WDR86: variants seen among roughly 807,000 people sequenced by gnomAD.
WDR86 encodes WD repeat domain 86, also known as WD repeat-containing protein 86.
Under a neutral mutation model 36.5 loss-of-function variants are expected in WDR86, and 30 were observed. The ratio of observed to expected loss-of-function variants is 0.82; its 90% CI spans 0.61 to 1.11. The LOEUF is 1.11. Among genes scored for constraint, WDR86 ranks in the 50% most tolerant of loss-of-function variants. The pLI, the probability that WDR86 is intolerant of heterozygous loss-of-function variation, is 0.00. For synonymous variants in WDR86, 255 were observed against 252.9 expected, an observed-to-expected ratio of 1.01 and a Z score of -0.08; for missense variants, 545 against 561.2, an observed-to-expected ratio of 0.97 and a Z score of 0.29.
rs1563041641 is a variant in WDR86 at position 151,381,837 on chromosome 7, C to T, written c.966+41G>A. ...GATGGATCGGGGCGGGGCACCTTCC[C>T]TCCCACGGGCGGCGGCCCCGAGAAG... is the stretch of plus-strand genomic sequence containing the variant. On this transcript the variant is annotated intron_variant, in intron 5 of 5. Coordinates refer to ENST00000334493, the MANE Select transcript of WDR86 (RefSeq NM_198285.3). The surrounding 1 kb of genome is among the most constrained non-coding windows in gnomAD (Gnocchi z 4.8). 1 of 1,568,494 alleles carries T rather than the reference C, an allele frequency of 6.4e-7. No individual in the cohort carries two copies. The highest frequency in any genetic ancestry group is 8.6e-7 in the Non-Finnish European group (1 of 1,157,362).
At position 151,381,394 on chromosome 7, in the gene WDR86, A is replaced by G; in HGVS notation, c.*188T>C. 1.4e-6 allele frequency: 2 copies of G among 1,467,092 alleles called. No homozygotes were observed. 90.9% of individuals were successfully genotyped at this position (1,467,092 alleles called of 1,614,324 possible). A position where few individuals can be genotyped will look rare whatever the true frequency, so the allele number is the denominator to read the frequency against. ...AAAGGGGGCGGTCCCCAGGGCGAGC[A>G]CTCCCGCTCCCAGCGCCTCCTGGCC... On this transcript the variant is annotated 3_prime_UTR_variant, in exon 6 of 6. Transcript: ENST00000334493. The surrounding 1 kb of genome is among the most constrained non-coding windows in gnomAD (Gnocchi z 4.8).
rs1303423451 is a variant in WDR86, at chr7:151,401,554, G to A, written c.164-1313C>T. On this transcript the variant is annotated intron_variant, in intron 1 of 5. Coordinates refer to ENST00000334493, the MANE Select transcript of WDR86 (RefSeq NM_198285.3). The surrounding 1 kb of genome is among the most constrained non-coding windows in gnomAD (Gnocchi z 4.3). ...GCGCAGACTGAGGACAGAGGCAGCC[G>A]CAGAGGGAATGGCACATGTTCGCTA... Among the ~76,000 whole-genome samples the A allele has an allele frequency of 7.2e-5, 11 of 152,184 alleles. No individual in the cohort carries two copies. Among genetic ancestry groups the A allele is most frequent in the Non-Finnish European group, 1.5e-4 (10 of 68,042 alleles).
chr7:151,409,434 G>C lies in WDR86; in HGVS notation c.156C>G (p.Leu52=). 1 of 1,552,302 alleles carries C rather than the reference G, an allele frequency of 6.4e-7. No individual in the cohort carries two copies. Among genetic ancestry groups the C allele is most frequent in the Non-Finnish European group, 8.7e-7 (1 of 1,153,516 alleles). The part of the protein sequence containing the change: ...WSTADGQCCA[L]LQGHESYVTF... ...GGGAGTGGGAGGGTCTACCTTGCAG[G>C]AGCGCGCAGCACTGGCCGTCCGCGG... The change falls in exon 1 of 6, where the codon CTC becomes CTG. Residue 52 remains leucine (L), a synonymous_variant. Transcript: ENST00000334493. The surrounding 1 kb of genome is among the most constrained non-coding windows in gnomAD (Gnocchi z 5.2).
rs1357869739 is a variant in WDR86 at position 151,381,878 on chromosome 7, C to G, written c.966G>C (p.Gln322His). ...RGHTFIINCIQVHGQVLYTAS... is the reference protein window; with the variant it reads ...RGHTFIINCIHVHGQVLYTAS... ...CCCCGAGAAGGGCAGAGGGACCTAC[C>G]TGGATGCAGTTGATGATGAATGTGT... Residue 322 changes from glutamine (Q) to histidine (H), a missense_variant and splice_region_variant, in exon 5 of 6, where the codon CAG becomes CAC. Physicochemically the swap from Gln to His is conservative, Grantham distance 24 (BLOSUM62 0). Coordinates refer to ENST00000334493, the MANE Select transcript of WDR86 (RefSeq NM_198285.3). The surrounding 1 kb of genome is among the most constrained non-coding windows in gnomAD (Gnocchi z 4.8). 2 of 1,608,214 alleles carry G rather than the reference C, an allele frequency of 1.2e-6. No homozygotes were observed. The highest frequency in any genetic ancestry group is 1.7e-6 in the Non-Finnish European group (2 of 1,177,824).
downstream of WDR86, among the ~76,000 whole-genome samples, chr7:151,378,999 G>C (rs2150733569): frequency 6.6e-6 from 1 of 152,326 alleles, no homozygotes; most frequent in Admixed American, 6.5e-5. Context: ...GGCCGGGCCT[G>C]CTCCACCGGA....
At chr7:151,410,653 T>A (rs1276354052), upstream of WDR86, 1 of 152,250 alleles carries the variant, frequency 6.6e-6, no homozygotes, top group East Asian at 1.9e-4. Context: ...GGGGTCGGCC[T>A]GAGCCCTCCC....
intron 1 of WDR86, among the ~76,000 whole-genome samples, chr7:151,402,489 G>A (rs1370871678): frequency 1.3e-5 from 2 of 152,208 alleles, no homozygotes; most frequent in Non-Finnish European, 2.9e-5. Flanking sequence ...TGGTCAGCAG[G>A]GCTCGGCACC....
downstream of WDR86, among the ~76,000 whole-genome samples, chr7:151,372,737 C>T (rs1157324624): frequency 6.6e-6 from 1 of 152,016 alleles, no homozygotes; most frequent in Non-Finnish European, 1.5e-5. Flanking sequence ...GGAGCTGCTG[C>T]GGGCTTTCAG....
At position 151,406,669 on chromosome 7, in the gene WDR86, A is replaced by G. The variant is rs1187955767; in HGVS notation, c.163+2758T>C. On this transcript the variant is annotated intron_variant, in intron 1 of 5. Transcript: ENST00000334493. The surrounding 1 kb of genome is among the most constrained non-coding windows in gnomAD (Gnocchi z 4.4). ...ATGGACCAGCTGCGGGACCCTGGACAAGTCCTGCCACCGCACCACGCCTCG... is the reference window on the plus strand; with the variant it reads ...ATGGACCAGCTGCGGGACCCTGGACGAGTCCTGCCACCGCACCACGCCTCG... Among the ~76,000 whole-genome samples the G allele has an allele frequency of 6.6e-6, 1 of 152,146 alleles. No homozygotes were observed. Among genetic ancestry groups the G allele is most frequent in the African/African-American group, 2.4e-5 (1 of 41,430 alleles).
intron 2 of WDR86, among the ~76,000 whole-genome samples, chr7:151,398,503 C>T (rs1006829479): frequency 2.7e-5 from 4 of 147,018 alleles, no homozygotes; most frequent in Non-Finnish European, 4.5e-5. Context: ...TGTGTGCGCA[C>T]GTGTGTATGT....
chr7:151,383,329 C>A lies in WDR86; in HGVS notation c.863-1348G>T, dbSNP rs200593985. ...TCTCTACTAAAAATACAAAAATTAG[C>A]TGGGTGTGGTGGCACACACCTGTAG... On this transcript the variant is annotated intron_variant, in intron 4 of 5. Transcript: ENST00000334493. Among the ~76,000 whole-genome samples the A allele has an allele frequency of 7.9e-5, 12 of 152,192 alleles. No homozygotes were observed. The East Asian group carries it at 2.3e-3, about 29-fold the overall frequency.
At chr7:151,380,355 G>C (rs1458034908), downstream of WDR86, among the ~76,000 whole-genome samples, 2 of 152,210 alleles carry the variant, frequency 1.3e-5, no homozygotes, top group Non-Finnish European at 2.9e-5. Flanking sequence ...CTCTGATGAA[G>C]TATCTTCTGC....
At chr7:151,400,891 C>T (rs914082139) in intron 1 of WDR86, among the ~76,000 whole-genome samples, 1 of 152,200 alleles carries the variant, frequency 6.6e-6, no homozygotes, top group Admixed American at 6.5e-5. Context: ...GGGACTTTCC[C>T]CTGTAGAGAG....
intron 4 of WDR86, among the ~76,000 whole-genome samples, chr7:151,384,581 A>C (rs1798833962): frequency 6.6e-6 from 1 of 152,244 alleles, no homozygotes; most frequent in African/African-American, 2.4e-5. Context: ...TGACAGAAGA[A>C]AGCTGGGTGC....
In WDR86 at chr7:151,406,757, G is replaced by A. The variant is rs1176054409; in HGVS notation, c.163+2670C>T. Among the ~76,000 whole-genome samples, 2 of 152,154 alleles carry A rather than the reference G, an allele frequency of 1.3e-5. No individual in the cohort carries two copies. Among genetic ancestry groups the A allele is most frequent in the African/African-American group, 4.8e-5 (2 of 41,436 alleles). On this transcript the variant is annotated intron_variant, in intron 1 of 5. Transcript: ENST00000334493. The surrounding 1 kb of genome is among the most constrained non-coding windows in gnomAD (Gnocchi z 4.4). Reference sequence around the variant, plus strand: ...GTATCTAGAAAACAACAAGAATGCCGTGTATGCTGCTCATGAGTCTGCACC... The same window carrying A: ...GTATCTAGAAAACAACAAGAATGCCATGTATGCTGCTCATGAGTCTGCACC...
intron 1 of WDR86, chr7:151,408,733 A>G (rs1800935892): frequency 2.6e-6 from 1 of 382,094 alleles, no homozygotes; most frequent in South Asian, 1.9e-5. Context: ...TGCATGGGAC[A>G]GGCCCAGGGG....
chr7:151,389,652 G>A (rs999758316), intron 3 of WDR86, among the ~76,000 whole-genome samples: 2 of 152,224 alleles, frequency 1.3e-5, no homozygotes, highest in African/African-American at 4.8e-5. Flanking sequence ...CCCTGCACAG[G>A]GCAGGGGCTG....
At chr7:151,408,229 C>T (rs1181766658) in intron 1 of WDR86, among the ~76,000 whole-genome samples, 1 of 139,378 alleles carries the variant, frequency 7.2e-6, no homozygotes, top group Admixed American at 7.3e-5. Flanking sequence ...CAGAGTCTGG[C>T]TCTGTCACCC....
downstream of WDR86, chr7:151,374,633 TTTTA>T: frequency 3.9e-6 from 1 of 256,870 alleles, no homozygotes; most frequent in African/African-American, 2.2e-5. Context: ...AAGTATCTAG[TTTTA>T]TTTATTTAGT....
Sources: gnomAD v4.1 joint callset for allele counts (sites outside exome capture counted in the v4.1 genomes callset) on GRCh38, gnomAD v4.1.1 for gene constraint, Gnocchi (gnomAD v3.1) non-coding constraint, MANE v1.5 for transcripts, NCBI Gene and HGNC (gene_info 2026-07-23, HGNC 2026-07-21) for gene names.